Variants in AGAP3 observed in about 807,000 individuals in gnomAD.
AGAP3 encodes the protein arf-GAP with GTPase, ANK repeat and PH domain-containing protein 3.
AGAP3 carries 24 observed loss-of-function variants against 96.9 expected under a neutral mutation model. That is an observed-to-expected ratio of 0.25 (90% CI 0.18 to 0.35). The LOEUF is 0.35. Among genes scored for constraint, AGAP3 ranks in the 10% least tolerant of loss-of-function variants. The pLI, the probability that AGAP3 is intolerant of heterozygous loss-of-function variation, is 1.00. For synonymous variants in AGAP3, 563 were observed against 536.1 expected (o/e 1.05, Z -0.69); for missense variants, 876 against 1,254.2 (o/e 0.70, Z 4.55).
chr7:151,104,663 C>T (rs1387615217), intron 1 of AGAP3, among the ~76,000 whole-genome samples: 1 of 151,948 alleles, frequency 6.6e-6, no homozygotes, highest in Non-Finnish European at 1.5e-5. Flanking sequence ...ACCGACATCC[C>T]CACCCACGGC....
rs981405355 is a variant in AGAP3, at chr7:151,121,316, C to T, written c.1128+1171C>T. 2.6e-5 allele frequency among the ~76,000 whole-genome samples: 4 copies of T among 152,246 alleles called. No individual in the cohort carries two copies. In the South Asian group the frequency reaches 6.2e-4, roughly 24 times the overall value. On this transcript the variant is annotated intron_variant, in intron 8 of 17. Coordinates refer to ENST00000397238, the MANE Select transcript of AGAP3 (RefSeq NM_031946.7). Reference sequence around the variant, plus strand: ...TAAATGTGCAGCTTCTCCTTTCTATCCATGGCCATTGAGACATTAGAGCGT... The same window carrying T: ...TAAATGTGCAGCTTCTCCTTTCTATTCATGGCCATTGAGACATTAGAGCGT...
chr7:151,118,310 C>A lies in AGAP3; in HGVS notation c.807C>A (p.Thr269=). 1 of 1,613,016 alleles carries A rather than the reference C, an allele frequency of 6.2e-7. No homozygotes were observed. ...KRCTYYETCA[T]YGLNVERVFQ... ...GCACCTACTATGAGACGTGCGCGACCTACGGGCTCAATGTGGAGCGTGTCT... is the reference window on the plus strand; with the variant it reads ...GCACCTACTATGAGACGTGCGCGACATACGGGCTCAATGTGGAGCGTGTCT... Residue 269 remains threonine, a synonymous_variant, in exon 6 of 18, where the codon ACC becomes ACA. Transcript: ENST00000397238. The surrounding 1 kb of genome is among the most constrained non-coding windows in gnomAD (Gnocchi z 6.1).
intron 9 of AGAP3, 128 bp from the exon 10 acceptor site, chr7:151,128,452 T>C: frequency 1.4e-6 from 1 of 721,102 alleles, no homozygotes. Flanking sequence ...CCTTAAAGGC[T>C]GCTTTGCTCA....
At chr7:151,122,981 G>A (rs983461407) in intron 8 of AGAP3, 12 of 1,425,082 alleles carry the variant, frequency 8.4e-6, no homozygotes, top group African/African-American at 7.2e-5. Flanking sequence ...GGGGGCTGCC[G>A]GGGACCAGGC....
At chr7:151,126,226 A>C (rs1800162529) in intron 9 of AGAP3, among the ~76,000 whole-genome samples, 3 of 151,836 alleles carry the variant, frequency 2.0e-5, no homozygotes, top group Admixed American at 2.0e-4. Context: ...GCGAGGAGGG[A>C]GGAGCCACAC....
At chr7:151,109,204 CAAAG>C (rs972243307) in intron 1 of AGAP3, among the ~76,000 whole-genome samples, 16 of 148,958 alleles carry the variant, frequency 1.1e-4, no homozygotes, top group African/African-American at 3.9e-4. Context: ...ACAAAGAAAA[CAAAG>C]AAAAAATAGC....
chr7:151,114,789 C>A lies in AGAP3; in HGVS notation c.332-2004C>A, dbSNP rs186971180. ...CCTGAGCATGGAGCGGGGCTGGCCG[C>A]AGGGGGACAGCTGTCCCGGGGAGCG... is the stretch of plus-strand genomic sequence containing the variant. On this transcript the variant is annotated intron_variant, in intron 1 of 17. Transcript: ENST00000397238. This position sits in a 1 kb window ranked among gnomAD's most constrained non-coding sequence, Gnocchi z 4.4. 635 of 1,036,278 alleles carry A rather than the reference C, an allele frequency of 6.1e-4. 5 individuals carry two copies. The African/African-American group carries it at 9.9e-3, about 16-fold the overall frequency. The allele number at this position is 1,036,278 out of a possible 1,614,324, so 64.2% of individuals were successfully genotyped here.
intron 1 of AGAP3, among the ~76,000 whole-genome samples, chr7:151,104,955 G>C (rs893367175): frequency 6.6e-6 from 1 of 152,214 alleles, no homozygotes; most frequent in Admixed American, 6.5e-5. Context: ...AGGGCCCCAG[G>C]TGCCCCTGGC....
At position 151,133,400 on chromosome 7, in the gene AGAP3, G is replaced by C. The variant is rs1223307051; in HGVS notation, c.1327-1000G>C. On this transcript the variant is annotated intron_variant, in intron 10 of 17. Coordinates refer to ENST00000397238, the MANE Select transcript of AGAP3 (RefSeq NM_031946.7). The surrounding 1 kb of genome is among the most constrained non-coding windows in gnomAD (Gnocchi z 5.4). ...AGGCTGGAAGCAGGAGGCCCAGCGG[G>C]GCTCCAGGCCAGGAAGCGGCAGGCT... 1.3e-5 allele frequency among the ~76,000 whole-genome samples: 2 copies of C among 152,158 alleles called. No individual in the cohort carries two copies. The highest frequency in any genetic ancestry group is 2.9e-5 in the Non-Finnish European group (2 of 68,016).
At chr7:151,122,057 G>A (rs1799920706) in intron 8 of AGAP3, among the ~76,000 whole-genome samples, 1 of 152,208 alleles carries the variant, frequency 6.6e-6, no homozygotes, top group South Asian at 2.1e-4. Flanking sequence ...GTGCCCCTCT[G>A]GGCTCCCAGG....
chr7:151,137,982 C>T (rs1430002336), intron 11 of AGAP3, 161 bp from the exon 12 acceptor site: 22 of 619,438 alleles, frequency 3.6e-5, no homozygotes, highest in African/African-American at 5.5e-5. Context: ...AGGGTCCCTG[C>T]GCAGCCTCTG....
At chr7:151,105,982 C>A (rs552591418) in intron 1 of AGAP3, among the ~76,000 whole-genome samples, 2 of 151,598 alleles carry the variant, frequency 1.3e-5, no homozygotes, top group South Asian at 4.2e-4. Flanking sequence ...AAAACACCAA[C>A]CAATCTGAGG....
intron 10 of AGAP3, among the ~76,000 whole-genome samples, chr7:151,130,882 G>A (rs1052996957): frequency 2.6e-5 from 4 of 152,080 alleles, no homozygotes; most frequent in Non-Finnish European, 4.4e-5. Context: ...TCCCCTGGCC[G>A]CCACCTTCCA....
intron 1 of AGAP3, among the ~76,000 whole-genome samples, chr7:151,094,873 CCCTTCCTT>C (rs540835239): frequency 1.2e-4 from 18 of 150,624 alleles, no homozygotes; most frequent in South Asian, 1.1e-3. Flanking sequence ...CTCCCTTCCT[CCCTTCCTT>C]CCTTCCTTCC....
intron 1 of AGAP3, among the ~76,000 whole-genome samples, chr7:151,106,064 C>T (rs1347916642): frequency 1.3e-5 from 2 of 152,010 alleles, no homozygotes; most frequent in Non-Finnish European, 2.9e-5. Flanking sequence ...AAATATGAAA[C>T]AGACCTGTCA....
intron 11 of AGAP3, among the ~76,000 whole-genome samples, chr7:151,137,563 C>T (rs558607624): frequency 1.5e-4 from 23 of 152,340 alleles, no homozygotes; most frequent in Admixed American, 7.2e-4. Flanking sequence ...CACTGCCGGC[C>T]GCCGCGCCTG....
At chr7:151,115,330 G>T in intron 1 of AGAP3, 1 of 1,014,296 alleles carries the variant, frequency 9.9e-7, no homozygotes, top group Non-Finnish European at 1.2e-6. Context: ...GCGGCGCTCA[G>T]GAAGAGCTTC....
chr7:151,107,530 G>A (rs1466022715), intron 1 of AGAP3, among the ~76,000 whole-genome samples: 7 of 149,790 alleles, frequency 4.7e-5, no homozygotes, highest in Admixed American at 1.3e-4. Context: ...AGGCTGAGGC[G>A]GGAGGATCGA....
Position 151,117,793 on chromosome 7 carries a change from G to T in AGAP3, c.706+16G>T. The T allele has an allele frequency of 6.3e-7, 1 of 1,598,340 alleles. No homozygotes were observed. Among genetic ancestry groups the T allele is most frequent in the Non-Finnish European group, 8.5e-7 (1 of 1,171,254 alleles). ...GGCACGCAGGGTGAGGCGGGGCCCT[G>T]CAGGAGCTGGCAGAGAGCAGGAAGT... On this transcript the variant is annotated intron_variant, in intron 5 of 17. Transcript: ENST00000397238.
Sources: gnomAD v4.1 joint callset for allele counts (sites outside exome capture counted in the v4.1 genomes callset) on GRCh38, gnomAD v4.1.1 for gene constraint, Gnocchi (gnomAD v3.1) non-coding constraint, MANE v1.5 for transcripts, NCBI Gene and HGNC (gene_info 2026-07-23, HGNC 2026-07-21) for gene names.